Variants in NPTN observed in about 807,000 individuals in gnomAD.
NPTN encodes SDR-1.
A neutral mutation model predicts 42.7 loss-of-function variants in NPTN; 5 were observed. The ratio of observed to expected loss-of-function variants is 0.12; its 90% CI spans 0.06 to 0.25. The LOEUF is 0.25. Among genes scored for constraint, NPTN ranks in the 10% least tolerant of loss-of-function variants. NPTN has a pLI of 1.00. For missense variants in NPTN, 307 were observed against 525.4 expected, an observed-to-expected ratio of 0.58 and a Z score of 4.06; for synonymous variants, 180 against 201.9, an observed-to-expected ratio of 0.89 and a Z score of 0.92.
chr15:73,575,466 C>G (rs758661756), intron 4 of NPTN, among the ~76,000 whole-genome samples: 8 of 152,254 alleles, frequency 5.3e-5, no homozygotes, highest in Non-Finnish European at 1.2e-4. Context: ...CTGGATGTCA[C>G]TCTGTTATCC....
At chr15:73,620,546 C>G (rs1460843252) in intron 1 of NPTN, among the ~76,000 whole-genome samples, 1 of 152,184 alleles carries the variant, frequency 6.6e-6, no homozygotes, top group Non-Finnish European at 1.5e-5. Flanking sequence ...AAGTCTTGCA[C>G]AGTAAAGAAT....
At chr15:73,596,088 C>T (rs1896823422) in intron 2 of NPTN, among the ~76,000 whole-genome samples, 1 of 152,208 alleles carries the variant, frequency 6.6e-6, no homozygotes, top group African/African-American at 2.4e-5. Context: ...AACAGCTACT[C>T]ATCAGAGTCA....
intron 1 of NPTN, among the ~76,000 whole-genome samples, chr15:73,604,630 GT>G (rs1478948240): frequency 1.3e-5 from 2 of 152,082 alleles, no homozygotes; most frequent in Non-Finnish European, 2.9e-5. Flanking sequence ...ATGAGCCATG[GT>G]TTAAAAAACT....
At chr15:73,588,512 C>CT (rs1188589319) in intron 3 of NPTN, among the ~76,000 whole-genome samples, 16 of 152,338 alleles carry the variant, frequency 1.1e-4, no homozygotes, top group African/African-American at 3.6e-4. Context: ...CAGGGCCCTA[C>CT]ATGATCTGGC....
At chr15:73,625,853 C>T (rs539366150) in intron 1 of NPTN, among the ~76,000 whole-genome samples, 17 of 152,112 alleles carry the variant, frequency 1.1e-4, no homozygotes, top group African/African-American at 4.1e-4. Context: ...TATTTTTGTA[C>T]ATGTTTGAAA....
At chr15:73,607,049 C>G (rs1897324095) in intron 1 of NPTN, among the ~76,000 whole-genome samples, 1 of 152,126 alleles carries the variant, frequency 6.6e-6, no homozygotes, top group Non-Finnish European at 1.5e-5. Flanking sequence ...CCTCCTTACC[C>G]CTAATGTTTC....
intron 1 of NPTN, among the ~76,000 whole-genome samples, chr15:73,611,422 A>G (rs1897574636): frequency 6.6e-6 from 1 of 152,168 alleles, no homozygotes; most frequent in African/African-American, 2.4e-5. Context: ...ACAAAAACAA[A>G]ACAAACTCTC....
chr15:73,562,047 G>T, intron 7 of NPTN, 77 bp from the exon 8 acceptor site: 2 of 1,089,426 alleles, frequency 1.8e-6, no homozygotes, highest in Non-Finnish European at 2.7e-6. Flanking sequence ...GAAATACAGG[G>T]ACTCTTTCAC....
chr15:73,613,367 C>T (rs1031632904), intron 1 of NPTN, among the ~76,000 whole-genome samples: 32 of 152,044 alleles, frequency 2.1e-4, no homozygotes, highest in African/African-American at 7.7e-4. Flanking sequence ...ACTATACCAC[C>T]CTTAGCTAAT....
Position 73,569,187 on chromosome 15 carries a change from T to G in NPTN, c.1114+963A>C. The G allele has an allele frequency of 1.0e-6, 1 of 985,450 alleles. No homozygotes were observed. The highest frequency in any genetic ancestry group is 1.2e-6 in the Non-Finnish European group (1 of 829,984). 61.0% of individuals were successfully genotyped at this position (985,450 alleles called of 1,614,324 possible). A position where few individuals can be genotyped will look rare whatever the true frequency, so the allele number is the denominator to read the frequency against. ...ACTAGTGGTGGTAACAGTCGGCCAA[T>G]TAATTTCTGTACGCCGGTCATGTTA... On this transcript the variant is annotated intron_variant, in intron 6 of 8. Coordinates refer to ENST00000345330, the MANE Select transcript of NPTN (RefSeq NM_012428.4). This position sits in a 1 kb window ranked among gnomAD's most constrained non-coding sequence, Gnocchi z 4.1.
At chr15:73,580,588 T>TA (rs1895986378) in intron 4 of NPTN, among the ~76,000 whole-genome samples, 1 of 119,934 alleles carries the variant, frequency 8.3e-6, no homozygotes, top group Non-Finnish European at 1.8e-5. Context: ...TATATACATG[T>TA]TATATATGTA....
intron 5 of NPTN, among the ~76,000 whole-genome samples, chr15:73,572,594 C>T (rs1259168121): frequency 6.6e-6 from 1 of 152,036 alleles, no homozygotes; most frequent in African/African-American, 2.4e-5. Context: ...CTAGTAATTG[C>T]CCTCAGTACC....
At position 73,587,631 on chromosome 15, in the gene NPTN, GA is replaced by G. The variant is rs773358367; in HGVS notation, c.612-14del. On this transcript the variant is annotated splice_polypyrimidine_tract_variant and intron_variant, in intron 3 of 8. Coordinates refer to ENST00000345330, the MANE Select transcript of NPTN (RefSeq NM_012428.4). ...CGGCTTATTGATCCTGCAGAGATGA[GA>G]AGAAAAACCAAGTGAGGAAACTGGG... The G allele has an allele frequency of 1.9e-5, 31 of 1,592,356 alleles. No homozygotes were observed. Among genetic ancestry groups the G allele is most frequent in the Non-Finnish European group, 2.4e-5 (28 of 1,160,528 alleles).
rs528953401 is a variant in NPTN, at chr15:73,570,549, T to A, written c.841-126A>T. ...ATGAGGAAGCAGTGTCTAGGAACAT[T>A]TCATTAATGATTTCCCTTCAGTATC... On this transcript the variant is annotated intron_variant, in intron 5 of 8. Coordinates refer to ENST00000345330, the MANE Select transcript of NPTN (RefSeq NM_012428.4). The surrounding 1 kb of genome is among the most constrained non-coding windows in gnomAD (Gnocchi z 4.0). 8.8e-6 allele frequency: 7 copies of A among 795,524 alleles called. No homozygotes were observed. The highest frequency in any genetic ancestry group is 1.4e-5 in the Non-Finnish European group (7 of 501,454). The allele number at this position is 795,524 out of a possible 1,614,324, so 49.3% of individuals were successfully genotyped here.
chr15:73,630,404 T>C (rs1898675509), intron 1 of NPTN, among the ~76,000 whole-genome samples: 3 of 152,222 alleles, frequency 2.0e-5, no homozygotes, highest in Non-Finnish European at 4.4e-5. Context: ...AACAAGTTCC[T>C]CTTTAAACTA....
intron 1 of NPTN, among the ~76,000 whole-genome samples, chr15:73,611,299 T>C (rs1334004213): frequency 6.6e-6 from 1 of 152,192 alleles, no homozygotes; most frequent in Admixed American, 6.5e-5. Flanking sequence ...AAGTTCCCAC[T>C]TGTGGAATTT....
intron 4 of NPTN, among the ~76,000 whole-genome samples, chr15:73,580,855 C>G (rs1896008518): frequency 6.6e-6 from 1 of 152,006 alleles, no homozygotes; most frequent in African/African-American, 2.4e-5. Flanking sequence ...ACATGGAAAT[C>G]TGGACTTGAT....
At chr15:73,608,219 G>C (rs1422932351) in intron 1 of NPTN, among the ~76,000 whole-genome samples, 1 of 152,148 alleles carries the variant, frequency 6.6e-6, no homozygotes, top group Non-Finnish European at 1.5e-5. Context: ...TGTGCACAGG[G>C]ATAAACTTTG....
At chr15:73,601,180 G>A (rs1897069632) in intron 1 of NPTN, among the ~76,000 whole-genome samples, 1 of 152,126 alleles carries the variant, frequency 6.6e-6, no homozygotes, top group East Asian at 1.9e-4. Context: ...TCCTGAGTGG[G>A]GCTGGGACTA....
Sources: gnomAD v4.1 joint callset for allele counts (sites outside exome capture counted in the v4.1 genomes callset) on GRCh38, gnomAD v4.1.1 for gene constraint, Gnocchi (gnomAD v3.1) non-coding constraint, MANE v1.5 for transcripts, NCBI Gene and HGNC (gene_info 2026-07-23, HGNC 2026-07-21) for gene names.